TYW3: variants seen among roughly 807,000 people sequenced by gnomAD.
TYW3 encodes tRNA wybutosine-synthesizing protein 3 homolog.
Under a neutral mutation model 23.1 loss-of-function variants are expected in TYW3, and 26 were observed. The observed-to-expected ratio is 1.13, with a 90% CI of 0.83 to 1.56. The LOEUF (loss-of-function observed/expected upper bound fraction) is 1.56, where lower values mean the gene tolerates loss of function less well. Among genes scored for constraint, TYW3 ranks in the 40% most tolerant of loss-of-function variants. The pLI is 0.00. For synonymous variants in TYW3, 102 were observed against 105.7 expected (o/e 0.97, Z 0.21); for missense variants, 316 against 311.9 (o/e 1.01, Z -0.10).
intron 5 of TYW3, among the ~76,000 whole-genome samples, chr1:74,762,307 G>T (rs1359514982): frequency 6.6e-6 from 1 of 152,114 alleles, no homozygotes; most frequent in Non-Finnish European, 1.5e-5. Flanking sequence ...ATCAAACAAA[G>T]ATGAAAATTG....
rs3737569 is a variant in TYW3 at position 74,748,376 on chromosome 1, T to C, written c.355-375T>C. 1.6e-4 allele frequency among the ~76,000 whole-genome samples: 24 copies of C among 152,366 alleles called. No homozygotes were observed. In the East Asian group the frequency reaches 4.6e-3, roughly 29 times the overall value. ...AAAGTTTTTTAAGCAATAGAAGGGA[T>C]ATTGAGAAACATTGTACTCATTTTA... is the stretch of plus-strand genomic sequence containing the variant. On this transcript the variant is annotated intron_variant, in intron 3 of 5. Transcript: ENST00000370867.
intron 3 of TYW3, among the ~76,000 whole-genome samples, chr1:74,740,268 T>C (rs922589047): frequency 4.0e-4 from 60 of 151,746 alleles, no homozygotes; most frequent in African/African-American, 1.4e-3. Context: ...AAAGGTGGCA[T>C]GTCCAGAGTT....
intron 2 of TYW3, 152 bp downstream of exon 2, chr1:74,736,774 T>A: frequency 1.7e-6 from 1 of 603,714 alleles, no homozygotes; most frequent in Non-Finnish European, 2.8e-6. Flanking sequence ...CAATGGCTCT[T>A]TTTGGGTTGT....
At chr1:74,738,113 A>C (rs996669126) in intron 2 of TYW3, among the ~76,000 whole-genome samples, 9 of 150,734 alleles carry the variant, frequency 6.0e-5, no homozygotes, top group African/African-American at 1.2e-4. Flanking sequence ...CAGGGAAAAA[A>C]AAACAAACAA....
intron 5 of TYW3, among the ~76,000 whole-genome samples, chr1:74,756,855 C>T (rs768310643): frequency 1.3e-5 from 2 of 152,176 alleles, no homozygotes; most frequent in Non-Finnish European, 1.5e-5. Flanking sequence ...GTGGGCTGGG[C>T]CCAAGGTCCC....
rs753773415 is a variant in TYW3 at position 74,733,399 on chromosome 1, G to A, written c.155G>A (p.Arg52His). The A allele has an allele frequency of 5.0e-6, 8 of 1,614,020 alleles. No individual in the cohort carries two copies. The highest frequency in any genetic ancestry group is 1.3e-5 in the African/African-American group (1 of 74,932). ...QFFTTSSCAG[R>H]ILLLDRGING... is the part of the protein sequence containing the mutation. ...TTCACCACCAGCTCCTGCGCTGGCC[G>A]CATCCTACTCCTTGACCGGGTGAGG... Residue 52 changes from arginine to histidine, a missense_variant, in exon 1 of 6, where the codon CGC (arginine) becomes CAC (histidine). By Grantham distance (29) the Arg-to-His change is conservative. Transcript: ENST00000370867.
intron 5 of TYW3, among the ~76,000 whole-genome samples, chr1:74,756,929 G>A (rs1266948478): frequency 6.6e-6 from 1 of 152,228 alleles, no homozygotes; most frequent in African/African-American, 2.4e-5. Flanking sequence ...ATGGCTGAAA[G>A]GGACCAATGT....
At chr1:74,759,968 A>T (rs1363422595) in intron 5 of TYW3, among the ~76,000 whole-genome samples, 2 of 152,132 alleles carry the variant, frequency 1.3e-5, no homozygotes, top group African/African-American at 2.4e-5. Context: ...CTCCCAAGAA[A>T]CTTAGGTACT....
chr1:74,755,130 C>G (rs984788577), intron 5 of TYW3, among the ~76,000 whole-genome samples: 2 of 151,728 alleles, frequency 1.3e-5, no homozygotes, highest in Admixed American at 6.6e-5. Flanking sequence ...GTTGATAAAG[C>G]AAATCTGGAA....
intron 5 of TYW3, among the ~76,000 whole-genome samples, 171 bp downstream of exon 5, chr1:74,752,596 A>G (rs139206424): frequency 1.2e-4 from 19 of 152,322 alleles, no homozygotes; most frequent in African/African-American, 4.6e-4. Context: ...AATAGATGAG[A>G]GTAGGTCTGG....
Position 74,733,428 on chromosome 1 carries a change from C to T in TYW3, c.174+10C>T, listed in dbSNP as rs1463119022. On this transcript the variant is annotated intron_variant, in intron 1 of 5. Transcript: ENST00000370867. ...CCTACTCCTTGACCGGGTGAGGCCC[C>T]TTTGCGCCTGTCCATCGCCTGCCTT... The T allele has an allele frequency of 6.2e-7, 1 of 1,613,714 alleles. No individual in the cohort carries two copies. The highest frequency in any genetic ancestry group is 1.7e-5 in the Admixed American group (1 of 59,994).
chr1:74,735,670 GGCCA>G (rs1034739004), intron 1 of TYW3, among the ~76,000 whole-genome samples: 1 of 152,104 alleles, frequency 6.6e-6, no homozygotes, highest in Non-Finnish European at 1.5e-5. Context: ...GCTAGAAGTG[GGCCA>G]TACATTTGGC....
intron 5 of TYW3, among the ~76,000 whole-genome samples, chr1:74,759,920 A>C (rs1269832381): frequency 6.6e-6 from 1 of 152,204 alleles, no homozygotes; most frequent in African/African-American, 2.4e-5. Context: ...TTGGGATTAC[A>C]TGCATAAGCC....
At chr1:74,737,821 T>G (rs1299838020) in intron 2 of TYW3, among the ~76,000 whole-genome samples, 1 of 152,162 alleles carries the variant, frequency 6.6e-6, no homozygotes, top group Non-Finnish European at 1.5e-5. Flanking sequence ...TCAAGTGTTG[T>G]AACATTTGCT....
intron 2 of TYW3, 87 bp downstream of exon 2, chr1:74,736,709 T>C: frequency 9.5e-7 from 1 of 1,051,954 alleles, no homozygotes; most frequent in South Asian, 1.6e-5. Context: ...TTCAAGGTAA[T>C]TTATATGCAG....
In TYW3 at chr1:74,765,214, T is replaced by C. The variant is rs772711796; in HGVS notation, c.*1101T>C. On this transcript the variant is annotated 3_prime_UTR_variant, in exon 6 of 6. Transcript: ENST00000370867. Reference sequence around the variant, plus strand: ...CCTGGAGACAGCATTTGAGGAGGAATTGAAGATTTTTCTAATGAAAAGAAA... The same window carrying C: ...CCTGGAGACAGCATTTGAGGAGGAACTGAAGATTTTTCTAATGAAAAGAAA... 1 of 151,916 alleles carries C rather than the reference T, an allele frequency of 6.6e-6. No homozygotes were observed. The highest frequency in any genetic ancestry group is 1.5e-5 in the Non-Finnish European group (1 of 67,950). The allele number at this position is 151,916 out of a possible 1,614,324, so 9.4% of individuals were successfully genotyped here.
intron 3 of TYW3, among the ~76,000 whole-genome samples, chr1:74,740,134 A>G (rs1648300676): frequency 6.6e-6 from 1 of 152,148 alleles, no homozygotes. Flanking sequence ...TAAAGATGGT[A>G]TGTCCGGAGT....
chr1:74,736,568 A>G lies in TYW3; in HGVS notation c.201A>G (p.Lys67=). The G allele has an allele frequency of 6.2e-7, 1 of 1,603,162 alleles. No homozygotes were observed. The highest frequency in any genetic ancestry group is 2.2e-5 in the East Asian group (1 of 44,464). ...DRGINGFEVQ[K]QNCCWLLVTH... The stretch of plus-strand genomic sequence containing the variant: ...GTATAAATGGTTTTGAGGTTCAGAA[A>G]CAAAACTGTTGCTGGCTACTGGTTA... The change falls in exon 2 of 6, where the codon AAA becomes AAG. Residue 67 remains lysine (K), a synonymous_variant. Transcript: ENST00000370867.
intron 3 of TYW3, among the ~76,000 whole-genome samples, chr1:74,740,086 A>G (rs961466081): frequency 2.6e-5 from 4 of 152,224 alleles, no homozygotes; most frequent in African/African-American, 9.6e-5. Flanking sequence ...GACTTCAAGA[A>G]TGAAGCCGTG....
Sources: allele counts gnomAD v4.1 joint callset (sites outside exome capture counted in the v4.1 genomes callset), GRCh38; gene constraint gnomAD v4.1.1; transcripts MANE v1.5; gene names NCBI Gene and HGNC (gene_info 2026-07-23, HGNC 2026-07-21).